Variants in DUSP6 observed in about 807,000 individuals in gnomAD.
DUSP6 encodes the protein dual specificity phosphatase 6, also known as dual specificity protein phosphatase 6.
DUSP6 carries 6 observed loss-of-function variants against 28.0 expected under a neutral mutation model. That is an observed-to-expected ratio of 0.21 (90% confidence interval 0.12 to 0.42). The LOEUF is 0.42. Among genes scored for constraint, DUSP6 ranks in the 10% least tolerant of loss-of-function variants. DUSP6 has a pLI of 1.00. For synonymous variants in DUSP6, 252 were observed against 217.5 expected (o/e 1.16, Z -1.40); for missense variants, 451 against 498.1 (o/e 0.91, Z 0.90).
intron 2 of DUSP6, among the ~76,000 whole-genome samples, chr12:89,349,971 T>A (rs939055300): frequency 1.3e-5 from 2 of 152,158 alleles, no homozygotes; most frequent in African/African-American, 2.4e-5. Flanking sequence ...GAGAGGGAAG[T>A]CACAGGGGAC....
Position 89,347,707 on chromosome 12 carries a change from G to A in DUSP6, c.*1547C>T, listed in dbSNP as rs771531880. On this transcript the variant is annotated 3_prime_UTR_variant, in exon 3 of 3. Coordinates refer to ENST00000279488, the MANE Select transcript of DUSP6 (RefSeq NM_001946.4). Reference sequence around the variant, plus strand: ...AAGGATAGGGAGGAGGTTAACATGTGGCTGTCATCTTGGTATTCTGCTACA... The same window carrying A: ...AAGGATAGGGAGGAGGTTAACATGTAGCTGTCATCTTGGTATTCTGCTACA... 6.6e-6 allele frequency: 1 copy of A among 152,188 alleles called. No homozygotes were observed. Among genetic ancestry groups the A allele is most frequent in the Non-Finnish European group, 1.5e-5 (1 of 68,036 alleles). 9.4% of individuals were successfully genotyped at this position (152,188 alleles called of 1,614,324 possible). A position where few individuals can be genotyped will look rare whatever the true frequency, so the allele number is the denominator to read the frequency against.
In DUSP6 at chr12:89,348,955, C is replaced by T; in HGVS notation, c.*299G>A. The T allele has an allele frequency of 3.1e-6, 1 of 319,458 alleles. No individual in the cohort carries two copies. Among genetic ancestry groups the T allele is most frequent in the Admixed American group, 4.3e-5 (1 of 23,196 alleles). The allele number at this position is 319,458 out of a possible 1,614,324, so 19.8% of individuals were successfully genotyped here. ...CATGCTCCTACCCTATCATTTGGTT[C>T]TACCCTATGCGCCTGGAAGTCCTCG... On this transcript the variant is annotated 3_prime_UTR_variant, in exon 3 of 3. Coordinates refer to ENST00000279488, the MANE Select transcript of DUSP6 (RefSeq NM_001946.4).
rs1879059463 is a variant in DUSP6, at chr12:89,348,508, A to G, written c.*746T>C. The G allele has an allele frequency of 6.6e-6, 1 of 152,450 alleles. No homozygotes were observed. The highest frequency in any genetic ancestry group is 2.4e-5 in the African/African-American group (1 of 41,472). The allele number at this position is 152,450 out of a possible 1,614,324, so 9.4% of individuals were successfully genotyped here. On this transcript the variant is annotated 3_prime_UTR_variant, in exon 3 of 3. Transcript: ENST00000279488. ...GGAAAATACATGAAAAAGACTAAAG[A>G]CTTCGCCATAACAAGGTCTTAGTGA...
At chr12:89,351,056 C>T in intron 1 of DUSP6, 31 bp from the exon 2 acceptor site, 2 of 1,542,388 alleles carry the variant, frequency 1.3e-6, no homozygotes, top group South Asian at 1.2e-5. Flanking sequence ...ATCATCTAAC[C>T]TGAGAAGCCG....
chr12:89,350,841 A>G lies in DUSP6; in HGVS notation c.585T>C (p.Asp195=), dbSNP rs774601682. Residue 195 remains aspartate, a synonymous_variant, in exon 2 of 3, where the codon GAT becomes GAC. Transcript: ENST00000279488. ...DRDPNSATDS[D]GSPLSNSQPS... is the part of the protein sequence containing the mutation. Reference sequence around the variant, plus strand: ...GCTGGCTGTTGGACAGCGGACTACCATCCGAGTCTGTTGCACTATTGGGGT... The same window carrying G: ...GCTGGCTGTTGGACAGCGGACTACCGTCCGAGTCTGTTGCACTATTGGGGT... 6.2e-7 allele frequency: 1 copy of G among 1,613,970 alleles called. No individual in the cohort carries two copies. Among genetic ancestry groups the G allele is most frequent in the African/African-American group, 1.3e-5 (1 of 74,912 alleles).
At position 89,351,778 on chromosome 12, in the gene DUSP6, G is replaced by C. The variant is rs752082427; in HGVS notation, c.262C>G (p.Arg88Gly). The change falls in exon 1 of 3, where the codon CGG (arginine) becomes GGG (glycine). Residue 88 changes from arginine to glycine, a missense_variant. Arg to Gly is a moderately radical substitution (Grantham distance 125). Transcript: ENST00000279488. ...ACCACTGTGTCGGTGCCACAGCGCC[G>C]GGTGAAGCGGTCCCGGTCCTCGCCG... Reference protein sequence around the residue: ...TRGEDRDRFTRRCGTDTVVLY... With the variant: ...TRGEDRDRFTGRCGTDTVVLY... The C allele has an allele frequency of 1.2e-6, 2 of 1,609,460 alleles. No individual in the cohort carries two copies. Among genetic ancestry groups the C allele is most frequent in the Admixed American group, 1.7e-5 (1 of 59,506 alleles).
Position 89,348,703 on chromosome 12 carries a change from A to G in DUSP6, c.*551T>C, listed in dbSNP as rs1879069943. 6.5e-6 allele frequency: 1 copy of G among 152,766 alleles called. No individual in the cohort carries two copies. Among genetic ancestry groups the G allele is most frequent in the Non-Finnish European group, 1.5e-5 (1 of 68,106 alleles). The allele number at this position is 152,766 out of a possible 1,614,324, so 9.5% of individuals were successfully genotyped here. A position where few individuals can be genotyped will look rare whatever the true frequency, so the allele number is the denominator to read the frequency against. The stretch of plus-strand genomic sequence containing the variant: ...AATTTCTTTTAAGCCCATCAAAGGA[A>G]AAAACAAACACAATTCAAACAAACA... On this transcript the variant is annotated 3_prime_UTR_variant, in exon 3 of 3. Transcript: ENST00000279488.
rs1201034479 is a variant in DUSP6, at chr12:89,351,916, G to C, written c.124C>G (p.Gln42Glu). 1.2e-6 allele frequency: 2 copies of C among 1,612,902 alleles called. No homozygotes were observed. The highest frequency in any genetic ancestry group is 2.2e-5 in the South Asian group (2 of 91,090). ...ERLLLMDCRP[Q>E]ELYESSHIES... Reference sequence around the variant, plus strand: ...ATGTGCGACGACTCGTATAGCTCCTGCGGCCGGCAGTCCATCAGCAGCAGC... The same window carrying C: ...ATGTGCGACGACTCGTATAGCTCCTCCGGCCGGCAGTCCATCAGCAGCAGC... Residue 42 changes from glutamine (Q) to glutamate (E), a missense_variant, in exon 1 of 3, where the codon CAG (glutamine) becomes GAG (glutamate). This residue lies in a region of DUSP6 where 347 missense variants were observed against 346.6 expected (regional missense o/e 1.00). Transcript: ENST00000279488.
chr12:89,349,277 C>G lies in DUSP6; in HGVS notation c.1123G>C (p.Val375Leu), dbSNP rs771210866. The G allele has an allele frequency of 1.8e-5, 29 of 1,613,104 alleles. No homozygotes were observed. Among genetic ancestry groups the G allele is most frequent in the African/African-American group, 2.7e-5 (2 of 74,890 alleles). Residue 375 changes from valine (V) to leucine (L), a missense_variant, in exon 3 of 3, where the codon GTG becomes CTG. Around this residue, in one of 2 missense-constraint regions of DUSP6, gnomAD observed 104 missense variants for 151.4 expected, o/e 0.69. Coordinates refer to ENST00000279488, the MANE Select transcript of DUSP6 (RefSeq NM_001946.4). ...TTTCACGTAGATTGCAGAGAGTCCACCTGGTATACATTCTGGTTGGAAGGG... is the reference window on the plus strand; with the variant it reads ...TTTCACGTAGATTGCAGAGAGTCCAGCTGGTATACATTCTGGTTGGAAGGG... The part of the protein sequence containing the change: ...TTPSNQNVYQ[V>L]DSLQST
chr12:89,347,951 A>G lies in DUSP6; in HGVS notation c.*1303T>C, dbSNP rs1879035792. The G allele has an allele frequency of 1.3e-5, 2 of 152,360 alleles. No individual in the cohort carries two copies. Among genetic ancestry groups the G allele is most frequent in the South Asian group, 2.1e-4 (1 of 4,828 alleles). The allele number at this position is 152,360 out of a possible 1,614,324, so 9.4% of individuals were successfully genotyped here. A position where few individuals can be genotyped will look rare whatever the true frequency, so the allele number is the denominator to read the frequency against. ...TGAAAAACGTTCTAGGAAAAGCTTA[A>G]AAGAACCTTGCCCTACTATGCCTAC... On this transcript the variant is annotated 3_prime_UTR_variant, in exon 3 of 3. Transcript: ENST00000279488.
At position 89,352,133 on chromosome 12, in the gene DUSP6, G is replaced by A; in HGVS notation, c.-94C>T. The A allele has an allele frequency of 6.6e-7, 1 of 1,517,644 alleles. No homozygotes were observed. The highest frequency in any genetic ancestry group is 2.1e-5 in the Admixed American group (1 of 48,116). The allele number at this position is 1,517,644 out of a possible 1,614,324, so 94.0% of individuals were successfully genotyped here. ...CACCGCGCGCGAAGCTGCCGCTCTC[G>A]GAGCGGGGTTTAATTCCGCCTCGCC... On this transcript the variant is annotated 5_prime_UTR_variant, in exon 1 of 3. Coordinates refer to ENST00000279488, the MANE Select transcript of DUSP6 (RefSeq NM_001946.4).
chr12:89,349,196 G>T lies in DUSP6; in HGVS notation c.*58C>A. 6.5e-7 allele frequency: 1 copy of T among 1,538,220 alleles called. No individual in the cohort carries two copies. The highest frequency in any genetic ancestry group is 8.8e-7 in the Non-Finnish European group (1 of 1,137,870). Reference sequence around the variant, plus strand: ...CAAAGAAAGCAGCCCAGCTGATGCTGCCAAGAGAAACTGCTGAAGGGCCAG... The same window carrying T: ...CAAAGAAAGCAGCCCAGCTGATGCTTCCAAGAGAAACTGCTGAAGGGCCAG... On this transcript the variant is annotated 3_prime_UTR_variant, in exon 3 of 3. Coordinates refer to ENST00000279488, the MANE Select transcript of DUSP6 (RefSeq NM_001946.4).
rs778602279 is a variant in DUSP6, at chr12:89,352,083, C to T, written c.-44G>A. On this transcript the variant is annotated 5_prime_UTR_variant, in exon 1 of 3. Transcript: ENST00000279488. The stretch of plus-strand genomic sequence containing the variant: ...GAGGGCGGGGTGCCTACCAGACGCC[C>T]CTCGGGGCAGGCATAGGCCGAGCGC... 5 of 1,588,086 alleles carry T rather than the reference C, an allele frequency of 3.1e-6. No individual in the cohort carries two copies. The South Asian group carries it at 4.5e-5, about 14-fold the overall frequency.
Position 89,349,525 on chromosome 12 carries a change from T to C in DUSP6, c.875A>G (p.His292Arg), listed in dbSNP as rs779946617. 6.2e-7 allele frequency: 1 copy of C among 1,614,002 alleles called. No individual in the cohort carries two copies. Residue 292 changes from histidine (H) to arginine (R), a missense_variant, in exon 3 of 3, where the codon CAT becomes CGT. Around this residue, in one of 2 missense-constraint regions of DUSP6, gnomAD observed 104 missense variants for 151.4 expected, o/e 0.69. Transcript: ENST00000279488. ...TGAGCGGCTAATGCCAGCCAAGCAA[T>C]GTACCAAGACACCACAGTTCTTGCC... ...ARGKNCGVLV[H>R]CLAGISRSVT...
At position 89,348,710 on chromosome 12, in the gene DUSP6, AAC is replaced by A. The variant is rs1257861852; in HGVS notation, c.*542_*543del. Reference sequence around the variant, plus strand: ...TTTAAGCCCATCAAAGGAAAAAACAAACACAATTCAAACAAACACTGTCAAGT... The same window carrying A: ...TTTAAGCCCATCAAAGGAAAAAACAAACAATTCAAACAAACACTGTCAAGT... On this transcript the variant is annotated 3_prime_UTR_variant, in exon 3 of 3. Transcript: ENST00000279488. The A allele has an allele frequency of 1.3e-5, 2 of 152,914 alleles. No individual in the cohort carries two copies. The highest frequency in any genetic ancestry group is 2.4e-5 in the African/African-American group (1 of 41,592). 9.5% of individuals were successfully genotyped at this position (152,914 alleles called of 1,614,324 possible). A position where few individuals can be genotyped will look rare whatever the true frequency, so the allele number is the denominator to read the frequency against.
rs1338663760 is a variant in DUSP6, at chr12:89,352,365, G to T, written c.-326C>A. On this transcript the variant is annotated 5_prime_UTR_variant, in exon 1 of 3. Coordinates refer to ENST00000279488, the MANE Select transcript of DUSP6 (RefSeq NM_001946.4). ...GAGAGGGGAGGAAAAAAAGTCTAGC[G>T]GCTTCTAATCCCTCCCTCCAAGGCT... is the stretch of plus-strand genomic sequence containing the variant. 5 of 349,006 alleles carry T rather than the reference G, an allele frequency of 1.4e-5. No homozygotes were observed. The highest frequency in any genetic ancestry group is 2.7e-5 in the Non-Finnish European group (5 of 187,884). The allele number at this position is 349,006 out of a possible 1,614,324, so 21.6% of individuals were successfully genotyped here.
chr12:89,350,519 C>A lies in DUSP6; in HGVS notation c.838+69G>T, dbSNP rs969122763. The stretch of plus-strand genomic sequence containing the variant: ...AGCAAGCAGCAAGAACGATTAACAG[C>A]TTAAACTCTATGAATGGCTAGGAAT... On this transcript the variant is annotated intron_variant, in intron 2 of 2. Transcript: ENST00000279488. 2.1e-4 allele frequency: 313 copies of A among 1,475,320 alleles called. 3 individuals are homozygous for A. Among genetic ancestry groups the A allele is most frequent in the Middle Eastern group, 3.5e-4 (2 of 5,646 alleles). The allele number at this position is 1,475,320 out of a possible 1,614,324, so 91.4% of individuals were successfully genotyped here.
Position 89,351,862 on chromosome 12 carries a change from C to T in DUSP6, c.178G>A (p.Gly60Ser), listed in dbSNP as rs1269837835. 2 of 1,612,382 alleles carry T rather than the reference C, an allele frequency of 1.2e-6. No individual in the cohort carries two copies. Among genetic ancestry groups the T allele is most frequent in the Non-Finnish European group, 1.7e-6 (2 of 1,179,828 alleles). ...TTCTGCAGGCGCCGCAGCATGATGC[C>T]CGGGATGGCCACGTTGATGGCCGAC... The part of the protein sequence containing the change: ...IESAINVAIP[G>S]IMLRRLQKGN... Residue 60 changes from glycine (G) to serine (S), a missense_variant, in exon 1 of 3, where the codon GGC (glycine) becomes AGC (serine). Around this residue, in one of 2 missense-constraint regions of DUSP6, gnomAD observed 347 missense variants for 346.6 expected, o/e 1.00. Transcript: ENST00000279488.
rs1285001263 is a variant in DUSP6 at position 89,348,513 on chromosome 12, G to A, written c.*741C>T. ...ATACATGAAAAAGACTAAAGACTTC[G>A]CCATAACAAGGTCTTAGTGATAATA... On this transcript the variant is annotated 3_prime_UTR_variant, in exon 3 of 3. Coordinates refer to ENST00000279488, the MANE Select transcript of DUSP6 (RefSeq NM_001946.4). The A allele has an allele frequency of 1.3e-5, 2 of 152,294 alleles. No homozygotes were observed. Among genetic ancestry groups the A allele is most frequent in the Non-Finnish European group, 2.9e-5 (2 of 68,008 alleles). The allele number at this position is 152,294 out of a possible 1,614,324, so 9.4% of individuals were successfully genotyped here.
Sources: gnomAD v4.1 joint callset for allele counts (sites outside exome capture counted in the v4.1 genomes callset) on GRCh38, gnomAD v4.1.1 for gene constraint, gnomAD v4.1.1 regional missense constraint, MANE v1.5 for transcripts, NCBI Gene and HGNC (gene_info 2026-07-23, HGNC 2026-07-21) for gene names.